Variants in ERBB4 observed in about 807,000 individuals in gnomAD.
ERBB4 encodes receptor tyrosine-protein kinase erbB-4.
A neutral mutation model predicts 158.0 loss-of-function variants in ERBB4; 42 were observed. That is an observed-to-expected ratio of 0.27 (90% CI 0.21 to 0.34). The LOEUF (loss-of-function observed/expected upper bound fraction) is 0.34. ERBB4 is among the 10% of genes least tolerant of loss of function. The pLI, the probability that ERBB4 is intolerant of heterozygous loss-of-function variation, is 1.00. For synonymous variants in ERBB4, 583 were observed against 558.7 expected, an observed-to-expected ratio of 1.04 and a Z score of -0.61; for missense variants, 1,333 against 1,624.1, an observed-to-expected ratio of 0.82 and a Z score of 3.08.
chr2:212,090,612 T>A (rs181211629), intron 2 of ERBB4, among the ~76,000 whole-genome samples: 3 of 152,132 alleles, frequency 2.0e-5, no homozygotes, highest in African/African-American at 7.2e-5. Flanking sequence ...TGCTCCACAA[T>A]TCTCCATCCT....
chr2:211,817,022 C>G (rs577883451), intron 3 of ERBB4, among the ~76,000 whole-genome samples: 1 of 152,314 alleles, frequency 6.6e-6, no homozygotes, highest in Admixed American at 6.5e-5. Flanking sequence ...TTCCAACTCA[C>G]TAATTACATT....
At chr2:212,232,547 TACAGGCGCCTGCCACC>T (rs1197164342) in intron 1 of ERBB4, among the ~76,000 whole-genome samples, 4 of 152,170 alleles carry the variant, frequency 2.6e-5, no homozygotes, top group Non-Finnish European at 5.9e-5. Context: ...TAACTGGGAC[TACAGGCGCCTGCCACC>T]ACGCCTGGCT....
chr2:211,871,659 CA>C (rs2078349151), intron 3 of ERBB4, among the ~76,000 whole-genome samples: 1 of 152,086 alleles, frequency 6.6e-6, no homozygotes, highest in Non-Finnish European at 1.5e-5. Flanking sequence ...AATCTTATAT[CA>C]AAAGTGAATA....
At chr2:211,700,862 C>T (rs1174650742) in intron 12 of ERBB4, among the ~76,000 whole-genome samples, 7 of 152,000 alleles carry the variant, frequency 4.6e-5, no homozygotes, top group Non-Finnish European at 8.8e-5. Context: ...GTGCCCACAA[C>T]AAGAATATTC....
chr2:211,809,325 T>A (rs1326220059), intron 3 of ERBB4, among the ~76,000 whole-genome samples: 1 of 152,168 alleles, frequency 6.6e-6, no homozygotes. Flanking sequence ...GTCCTGGAGT[T>A]TTTTTGGTTG....
Position 212,532,373 on chromosome 2 carries a change from C to T in ERBB4, c.82+6076G>A, listed in dbSNP as rs1317445832. 4.6e-5 allele frequency among the ~76,000 whole-genome samples: 7 copies of T among 152,240 alleles called. No homozygotes were observed. The East Asian group carries it at 1.2e-3, about 25-fold the overall frequency. On this transcript the variant is annotated intron_variant, in intron 1 of 27. Transcript: ENST00000342788. Reference sequence around the variant, plus strand: ...GCCTCCTCCCTGCAGCTTAACTACACAGCTCTCTTTTTATTTTACCCTTTC... The same window carrying T: ...GCCTCCTCCCTGCAGCTTAACTACATAGCTCTCTTTTTATTTTACCCTTTC...
At chr2:211,643,609 A>G (rs2070680883) in intron 16 of ERBB4, among the ~76,000 whole-genome samples, 2 of 152,114 alleles carry the variant, frequency 1.3e-5, no homozygotes, top group Admixed American at 1.3e-4. Flanking sequence ...TTTTAAAAAC[A>G]TAAATGAAGT....
At chr2:212,026,483 C>T (rs925642246) in intron 2 of ERBB4, among the ~76,000 whole-genome samples, 1 of 151,734 alleles carries the variant, frequency 6.6e-6, no homozygotes, top group African/African-American at 2.4e-5. Flanking sequence ...CTCAAAACAA[C>T]TTCTAATGTA....
At chr2:211,542,102 T>G (rs914163149) in intron 20 of ERBB4, among the ~76,000 whole-genome samples, 8 of 152,068 alleles carry the variant, frequency 5.3e-5, no homozygotes, top group Non-Finnish European at 1.0e-4. Context: ...AACTCCATTC[T>G]ATTTAATAAA....
intron 3 of ERBB4, among the ~76,000 whole-genome samples, chr2:211,808,033 T>C (rs949450797): frequency 8.5e-5 from 13 of 152,252 alleles, no homozygotes; most frequent in Admixed American, 6.5e-5. Context: ...TAGCCCTTTG[T>C]CAGATGGATA....
At chr2:211,887,713 A>C (rs1263398901) in intron 3 of ERBB4, among the ~76,000 whole-genome samples, 3 of 152,072 alleles carry the variant, frequency 2.0e-5, no homozygotes, top group Non-Finnish European at 4.4e-5. Context: ...TAATCATGTT[A>C]TTATCACACA....
chr2:212,096,950 C>T (rs1327397796), intron 2 of ERBB4, among the ~76,000 whole-genome samples: 1 of 152,026 alleles, frequency 6.6e-6, no homozygotes, highest in African/African-American at 2.4e-5. Flanking sequence ...CTATTTGTTC[C>T]TCCTTCTATT....
At chr2:211,440,037 GA>G (rs1179345236) in intron 20 of ERBB4, among the ~76,000 whole-genome samples, 1 of 151,918 alleles carries the variant, frequency 6.6e-6, no homozygotes, top group Admixed American at 6.6e-5. Context: ...GCCTTCTTAA[GA>G]AAACCAAAAA....
intron 19 of ERBB4, among the ~76,000 whole-genome samples, chr2:211,568,626 C>A (rs939039164): frequency 4.6e-5 from 7 of 152,042 alleles, no homozygotes; most frequent in Non-Finnish European, 7.4e-5. Flanking sequence ...AATGCAATAC[C>A]CTCCAGCTGA....
At chr2:212,197,391 T>C (rs904777748) in intron 1 of ERBB4, among the ~76,000 whole-genome samples, 67 of 152,260 alleles carry the variant, frequency 4.4e-4, no homozygotes, top group African/African-American at 1.5e-3. Context: ...ACTTTGTGGA[T>C]TTTAGAATTG....
At chr2:211,577,359 A>G (rs2067920924) in intron 19 of ERBB4, among the ~76,000 whole-genome samples, 1 of 152,056 alleles carries the variant, frequency 6.6e-6, no homozygotes, top group African/African-American at 2.4e-5. Flanking sequence ...GGGATTTCCT[A>G]TTTCTGCTCT....
At chr2:211,455,752 A>C (rs1298513103) in intron 20 of ERBB4, among the ~76,000 whole-genome samples, 1 of 152,224 alleles carries the variant, frequency 6.6e-6, no homozygotes, top group African/African-American at 2.4e-5. Flanking sequence ...CTCTGCACTT[A>C]AGTACTTCTA....
intron 1 of ERBB4, among the ~76,000 whole-genome samples, chr2:212,231,191 T>C (rs1213193799): frequency 6.6e-6 from 1 of 152,124 alleles, no homozygotes; most frequent in Admixed American, 6.6e-5. Context: ...TAACTAGATA[T>C]TTCATTACAG....
chr2:211,978,819 C>G (rs187647797), intron 2 of ERBB4, among the ~76,000 whole-genome samples: 28 of 152,164 alleles, frequency 1.8e-4, no homozygotes, highest in Non-Finnish European at 3.7e-4. Context: ...ACCAAAGAGC[C>G]ATCCATCATC....
Sources: gnomAD v4.1 joint callset for allele counts (sites outside exome capture counted in the v4.1 genomes callset) on GRCh38, gnomAD v4.1.1 for gene constraint, MANE v1.5 for transcripts, NCBI Gene and HGNC (gene_info 2026-07-23, HGNC 2026-07-21) for gene names.